The following PRKD1 variants were observed in gnomAD, a reference collection of about 807,000 sequenced individuals.
PRKD1 encodes serine/threonine-protein kinase D1.
In PRKD1, 63 loss-of-function variants were observed where a neutral mutation model predicts 95.9. The observed-to-expected ratio is 0.66, with a 90% CI of 0.54 to 0.81. The LOEUF (loss-of-function observed/expected upper bound fraction) is 0.81, where lower values mean the gene tolerates loss of function less well. Ranked by LOEUF, PRKD1 falls within the 30% of genes least tolerant of loss-of-function variation. The probability of loss-of-function intolerance (pLI) is 0.00; values close to 1 mark genes in which losing one functional copy is unlikely to be tolerated. For missense variants in PRKD1, 1,048 were observed against 1,165.3 expected, an observed-to-expected ratio of 0.90 and a Z score of 1.47; for synonymous variants, 425 against 423.1, an observed-to-expected ratio of 1.00 and a Z score of -0.05.
intron 1 of PRKD1, among the ~76,000 whole-genome samples, chr14:29,909,297 C>T (rs574313705): frequency 1.3e-5 from 2 of 148,924 alleles, no homozygotes; most frequent in Admixed American, 6.7e-5. Context: ...ACCCCCCCCG[C>T]CCCCCATGGG....
At chr14:29,688,963 A>G (rs1241440523) in intron 2 of PRKD1, among the ~76,000 whole-genome samples, 1 of 150,252 alleles carries the variant, frequency 6.7e-6, no homozygotes, top group Non-Finnish European at 1.5e-5. Context: ...AAAAAAAAAA[A>G]AAAAAAAAAA....
At chr14:29,673,692 C>T (rs1882995730) in intron 2 of PRKD1, among the ~76,000 whole-genome samples, 1 of 152,206 alleles carries the variant, frequency 6.6e-6, no homozygotes, top group South Asian at 2.1e-4. Flanking sequence ...AGTTCTAAGG[C>T]TCTACATTTT....
At chr14:29,619,313 C>G (rs1276160721) in intron 13 of PRKD1, among the ~76,000 whole-genome samples, 1 of 152,084 alleles carries the variant, frequency 6.6e-6, no homozygotes, top group African/African-American at 2.4e-5. Context: ...TTTTGCAGAG[C>G]AAACACACAT....
chr14:29,642,650 T>C (rs2139150025), intron 4 of PRKD1, among the ~76,000 whole-genome samples: 1 of 152,318 alleles, frequency 6.6e-6, no homozygotes, highest in African/African-American at 2.4e-5. Flanking sequence ...TAAATAAAAC[T>C]CAAATTCTTC....
Position 29,597,723 on chromosome 14 carries a change from A to G in PRKD1, c.2202T>C (p.Ile734=), listed in dbSNP as rs2230505. ...KLCDFGFARI[I]GEKSFRRSVV... is the part of the protein sequence containing the mutation. ...CTGACCTCCGGAAAGACTTCTCTCCAATGATCCGGGCAAAACCAAAATCAC... is the reference window on the plus strand; with the variant it reads ...CTGACCTCCGGAAAGACTTCTCTCCGATGATCCGGGCAAAACCAAAATCAC... Residue 734 remains isoleucine (I), a synonymous_variant, in exon 16 of 18, where the codon ATT becomes ATC. Coordinates refer to ENST00000331968, the MANE Select transcript of PRKD1 (RefSeq NM_002742.3). The G allele has an allele frequency of 0.41, 653,657 of 1,612,806 alleles. 140,515 individuals are homozygous for G. Among genetic ancestry groups the G allele is most frequent in the African/African-American group, 0.78 (58,601 of 74,898 alleles).
rs569086050 is a variant in PRKD1, at chr14:29,628,902, T to A, written c.1725+139A>T. 1.1e-5 allele frequency: 4 copies of A among 370,260 alleles called. No individual in the cohort carries two copies. The East Asian group carries it at 1.3e-4, about 12-fold the overall frequency. The allele number at this position is 370,260 out of a possible 1,614,324, so 22.9% of individuals were successfully genotyped here. On this transcript the variant is annotated intron_variant, in intron 11 of 17. Transcript: ENST00000331968. ...TATATAATTTAATATTTCTAAAATATCACAAAAAAATATCCAAATTCTATT... is the reference window on the plus strand; with the variant it reads ...TATATAATTTAATATTTCTAAAATAACACAAAAAAATATCCAAATTCTATT...
At chr14:29,839,323 C>T (rs771658326) in intron 1 of PRKD1, among the ~76,000 whole-genome samples, 1 of 152,182 alleles carries the variant, frequency 6.6e-6, no homozygotes, top group Non-Finnish European at 1.5e-5. Flanking sequence ...GATCCTGAAG[C>T]ATTTCTTCAA....
intron 1 of PRKD1, among the ~76,000 whole-genome samples, chr14:29,779,672 T>C (rs534332069): frequency 2.4e-4 from 37 of 152,278 alleles, no homozygotes; most frequent in African/African-American, 5.5e-4. Flanking sequence ...TCCATGCTCA[T>C]AGATAGGAAG....
chr14:29,728,016 G>T (rs1886245970), intron 1 of PRKD1, among the ~76,000 whole-genome samples: 1 of 151,914 alleles, frequency 6.6e-6, no homozygotes, highest in Non-Finnish European at 1.5e-5. Context: ...GTTGTGGGGT[G>T]GGGCGAGGGG....
intron 1 of PRKD1, among the ~76,000 whole-genome samples, chr14:29,796,384 T>C (rs1889816901): frequency 6.6e-6 from 1 of 152,158 alleles, no homozygotes; most frequent in Non-Finnish European, 1.5e-5. Context: ...TGGTGGAAGA[T>C]GCAAAACTTG....
chr14:29,865,107 G>C (rs1454584507), intron 1 of PRKD1, among the ~76,000 whole-genome samples: 1 of 152,094 alleles, frequency 6.6e-6, no homozygotes, highest in African/African-American at 2.4e-5. Flanking sequence ...TTATCAATTG[G>C]TCAGGAAAAA....
At chr14:29,775,674 A>C (rs896777818) in intron 1 of PRKD1, among the ~76,000 whole-genome samples, 1 of 152,150 alleles carries the variant, frequency 6.6e-6, no homozygotes, top group Non-Finnish European at 1.5e-5. Context: ...GAGGCCACCA[A>C]AGCTCAAGGA....
At chr14:29,798,747 G>C (rs1203482519) in intron 1 of PRKD1, among the ~76,000 whole-genome samples, 1 of 152,194 alleles carries the variant, frequency 6.6e-6, no homozygotes, top group Non-Finnish European at 1.5e-5. Flanking sequence ...AAAATGGCTT[G>C]CAATATCTTT....
chr14:29,756,150 C>T (rs45521131), intron 1 of PRKD1, among the ~76,000 whole-genome samples: 1,898 of 152,194 alleles, frequency 0.012, 32 homozygotes, highest in African/African-American at 0.044. Context: ...ATTGAGTTTC[C>T]AGAACATATG....
At chr14:29,871,266 TAAC>T (rs1893096517) in intron 1 of PRKD1, among the ~76,000 whole-genome samples, 2 of 152,192 alleles carry the variant, frequency 1.3e-5, no homozygotes, top group South Asian at 4.1e-4. Context: ...TGAGAATAGA[TAAC>T]ATTTCAAATT....
chr14:29,657,666 AC>A (rs1482610690), intron 4 of PRKD1: 2 of 152,376 alleles, frequency 1.3e-5, no homozygotes, highest in African/African-American at 4.8e-5. Flanking sequence ...GGAGATTGAG[AC>A]CATCCTGGCT....
intron 2 of PRKD1, among the ~76,000 whole-genome samples, chr14:29,691,827 G>T (rs533143687): frequency 6.6e-6 from 1 of 152,096 alleles, no homozygotes; most frequent in South Asian, 2.1e-4. Flanking sequence ...AAAGATTCCT[G>T]CTATTTGTCG....
rs45457999 is a variant in PRKD1 at position 29,585,395 on chromosome 14, C to A, written c.2435-7035G>T. Among the ~76,000 whole-genome samples, 795 of 152,240 alleles carry A rather than the reference C, an allele frequency of 5.2e-3. 5 individuals carry two copies. The highest frequency in any genetic ancestry group is 0.018 in the African/African-American group (749 of 41,534). ...GGCATCTTTCCTTTTCAGTTCTTTC[C>A]TCTGTAGAAAGTTATTCTATCAATG... On this transcript the variant is annotated intron_variant, in intron 16 of 17. Coordinates refer to ENST00000331968, the MANE Select transcript of PRKD1 (RefSeq NM_002742.3).
chr14:29,597,809 T>C (rs892111577), intron 15 of PRKD1, 51 bp from the exon 16 acceptor site: 2 of 1,539,708 alleles, frequency 1.3e-6, no homozygotes, highest in Non-Finnish European at 1.8e-6. Context: ...TGTGTGTCTG[T>C]GTGTCTTAGT....
Sources: allele counts gnomAD v4.1 joint callset (sites outside exome capture counted in the v4.1 genomes callset), GRCh38; gene constraint gnomAD v4.1.1; transcripts MANE v1.5; gene names NCBI Gene and HGNC (gene_info 2026-07-23, HGNC 2026-07-21).